SIK3: variants seen among roughly 807,000 people sequenced by gnomAD.
The protein encoded by SIK3 is serine/threonine-protein kinase SIK3.
SIK3 carries 28 observed loss-of-function variants against 144.2 expected under a neutral mutation model. The ratio of observed to expected loss-of-function variants is 0.19; its 90% CI spans 0.14 to 0.27. The LOEUF (loss-of-function observed/expected upper bound fraction) is 0.27, where lower values mean the gene tolerates loss of function less well. Ranked by LOEUF, SIK3 falls within the 10% of genes least tolerant of loss-of-function variation. SIK3 has a pLI of 1.00. For synonymous variants in SIK3, 686 were observed against 676.3 expected, an observed-to-expected ratio of 1.01 and a Z score of -0.22; for missense variants, 1,319 against 1,776.0, an observed-to-expected ratio of 0.74 and a Z score of 4.62.
chr11:117,093,646 T>G lies in SIK3; in HGVS notation c.273+4497A>C, dbSNP rs965176651. Among the ~76,000 whole-genome samples, 27 of 151,320 alleles carry G rather than the reference T, an allele frequency of 1.8e-4. No homozygotes were observed. The East Asian group carries it at 5.2e-3, about 29-fold the overall frequency. On this transcript the variant is annotated intron_variant, in intron 1 of 24. Coordinates refer to ENST00000445177, the MANE Select transcript of SIK3 (RefSeq NM_001366686.3). Reference sequence around the variant, plus strand: ...CAAAAGCCAGTGTTGGTCACAGTTTTCATTAGATAAGTCACATTGCTATTT... The same window carrying G: ...CAAAAGCCAGTGTTGGTCACAGTTTGCATTAGATAAGTCACATTGCTATTT...
chr11:116,927,792 A>G lies in SIK3; in HGVS notation c.455-412T>C, dbSNP rs746397559. On this transcript the variant is annotated intron_variant, in intron 3 of 24. Transcript: ENST00000445177. ...GAGGAGGTAAAAAAGCAAGGCCCCA[A>G]TATTAAATCATTTAAGGAAAGGGTG... Among the ~76,000 whole-genome samples the G allele has an allele frequency of 2.6e-5, 4 of 152,340 alleles. No individual in the cohort carries two copies. The East Asian group carries it at 5.8e-4, about 22-fold the overall frequency.
intron 4 of SIK3, among the ~76,000 whole-genome samples, chr11:116,897,978 T>C (rs986936330): frequency 1.7e-4 from 26 of 152,208 alleles, no homozygotes; most frequent in African/African-American, 5.5e-4. Flanking sequence ...ACCCAGAATT[T>C]TTTTTTTTAT....
chr11:116,952,253 T>G (rs903962130), intron 3 of SIK3, among the ~76,000 whole-genome samples: 1 of 152,090 alleles, frequency 6.6e-6, no homozygotes, highest in African/African-American at 2.4e-5. Flanking sequence ...AATTTAAAAA[T>G]TAGCCAGGTA....
chr11:116,850,934 A>G (rs2084485506), intron 21 of SIK3, among the ~76,000 whole-genome samples: 10 of 152,184 alleles, frequency 6.6e-5, no homozygotes, highest in Admixed American at 6.5e-4. Context: ...GCTTGAACTC[A>G]GAAGGCAGAG....
intron 1 of SIK3, among the ~76,000 whole-genome samples, chr11:117,000,571 T>C (rs1950813759): frequency 6.6e-6 from 1 of 152,256 alleles, no homozygotes; most frequent in Non-Finnish European, 1.5e-5. Context: ...ATTAAAGTGA[T>C]GTATCTTATA....
chr11:117,055,744 C>T (rs1169201931), intron 1 of SIK3, among the ~76,000 whole-genome samples: 1 of 152,232 alleles, frequency 6.6e-6, no homozygotes, highest in African/African-American at 2.4e-5. Flanking sequence ...ATTAAGAAGT[C>T]GGGCCTTTAA....
At chr11:116,952,512 G>C (rs780249950) in intron 3 of SIK3, among the ~76,000 whole-genome samples, 31 of 152,308 alleles carry the variant, frequency 2.0e-4, no homozygotes, top group Non-Finnish European at 1.8e-4. Flanking sequence ...TCAGACCATA[G>C]TATAGTCTCC....
intron 1 of SIK3, among the ~76,000 whole-genome samples, chr11:116,977,213 TTC>T (rs1949974599): frequency 8.4e-6 from 1 of 119,416 alleles, no homozygotes; most frequent in Non-Finnish European, 1.7e-5. Flanking sequence ...TTCTCTCTTC[TTC>T]CTCCCTCCCT....
intron 3 of SIK3, among the ~76,000 whole-genome samples, chr11:116,933,949 C>T (rs977271004): frequency 6.6e-6 from 1 of 152,172 alleles, no homozygotes; most frequent in Non-Finnish European, 1.5e-5. Context: ...TGCCACAGGG[C>T]CTTTGTTCTT....
intron 1 of SIK3, among the ~76,000 whole-genome samples, chr11:117,057,929 A>G (rs1030946901): frequency 1.3e-5 from 2 of 152,216 alleles, no homozygotes; most frequent in African/African-American, 4.8e-5. Context: ...GGTTGCTGCT[A>G]TTATTGTTGT....
intron 1 of SIK3, among the ~76,000 whole-genome samples, chr11:117,013,081 A>G (rs572829951): frequency 1.3e-5 from 2 of 152,254 alleles, no homozygotes; most frequent in South Asian, 2.1e-4. Flanking sequence ...AAGTTATTAG[A>G]ATAGTAGGTA....
intron 4 of SIK3, among the ~76,000 whole-genome samples, chr11:116,914,822 T>C (rs1231458819): frequency 1.3e-5 from 2 of 152,184 alleles, no homozygotes; most frequent in African/African-American, 2.4e-5. Flanking sequence ...ACCTTTTTAT[T>C]TTCCAGCTTT....
intron 1 of SIK3, among the ~76,000 whole-genome samples, chr11:117,022,709 G>A (rs1208595935): frequency 6.6e-6 from 1 of 152,034 alleles, no homozygotes; most frequent in African/African-American, 2.4e-5. Flanking sequence ...CCTCTGAGAC[G>A]GGTTAAGAGA....
rs1941703363 is a variant in SIK3, at chr11:116,843,676, T to G, written c.*1967A>C. The G allele has an allele frequency of 6.6e-6, 1 of 152,196 alleles. No individual in the cohort carries two copies. The highest frequency in any genetic ancestry group is 2.1e-4 in the South Asian group (1 of 4,824). 9.4% of individuals were successfully genotyped at this position (152,196 alleles called of 1,614,324 possible). On this transcript the variant is annotated 3_prime_UTR_variant, in exon 25 of 25. Transcript: ENST00000445177. Reference sequence around the variant, plus strand: ...GCTCTCCCATACATACAGTACCATGTAAACACATCAGGCTGAGCGCGTGGT... The same window carrying G: ...GCTCTCCCATACATACAGTACCATGGAAACACATCAGGCTGAGCGCGTGGT...
chr11:116,977,312 C>T (rs1480493493), intron 1 of SIK3, among the ~76,000 whole-genome samples: 1 of 138,396 alleles, frequency 7.2e-6, no homozygotes, highest in African/African-American at 2.7e-5. Flanking sequence ...AACTCCTGGG[C>T]TCAAGGCATC....
At chr11:117,075,705 C>T (rs992635749) in intron 1 of SIK3, among the ~76,000 whole-genome samples, 1 of 151,280 alleles carries the variant, frequency 6.6e-6, no homozygotes, top group African/African-American at 2.4e-5. Flanking sequence ...CCACACCTGG[C>T]TAATTTTTTT....
chr11:117,097,027 G>C (rs1398604139), intron 1 of SIK3, among the ~76,000 whole-genome samples: 1 of 152,116 alleles, frequency 6.6e-6, no homozygotes, highest in African/African-American at 2.4e-5. Flanking sequence ...AAGATATTGA[G>C]CAAAGAAAAT....
intron 21 of SIK3, chr11:116,856,847 A>G (rs191192544): frequency 6.6e-6 from 1 of 152,396 alleles, no homozygotes; most frequent in East Asian, 1.9e-4. Context: ...CTGACTTTAA[A>G]TGACAGGGCA....
intron 11 of SIK3, 119 bp from the exon 12 acceptor site, chr11:116,874,175 T>G (rs1345160143): frequency 9.4e-7 from 1 of 1,065,856 alleles, no homozygotes; most frequent in East Asian, 2.6e-5. Context: ...CTTCCTGAAT[T>G]TATGTTTCTC....
Sources: allele counts gnomAD v4.1 joint callset (sites outside exome capture counted in the v4.1 genomes callset), GRCh38; gene constraint gnomAD v4.1.1; transcripts MANE v1.5; gene names NCBI Gene and HGNC (gene_info 2026-07-23, HGNC 2026-07-21).